The following FAIM variants were observed in gnomAD, a reference collection of about 807,000 sequenced individuals.
The protein encoded by FAIM is Fas apoptotic inhibitory molecule.
A neutral mutation model predicts 21.2 loss-of-function variants in FAIM; 14 were observed. The ratio of observed to expected loss-of-function variants is 0.66; its 90% CI spans 0.44 to 1.03. FAIM has a LOEUF of 1.03. Ranked by LOEUF, FAIM falls within the 50% of genes least tolerant of loss-of-function variation. FAIM has a pLI of 0.00. For synonymous variants in FAIM, 86 were observed against 80.4 expected (o/e 1.07, Z -0.37); for missense variants, 222 against 247.1 (o/e 0.90, Z 0.68).
At chr3:138,622,108 T>G in intron 3 of FAIM, 80 bp from the exon 4 acceptor site, 1 of 1,169,222 alleles carries the variant, frequency 8.6e-7, no homozygotes, top group Non-Finnish European at 1.2e-6. Context: ...GGCATTGCCT[T>G]TGTTCACTTT....
intron 1 of FAIM, among the ~76,000 whole-genome samples, chr3:138,611,475 G>C (rs1639496905): frequency 6.6e-6 from 1 of 152,124 alleles, no homozygotes; most frequent in Non-Finnish European, 1.5e-5. Context: ...TGCGATCATT[G>C]TCACTATCTA....
chr3:138,630,763 A>G lies in FAIM; in HGVS notation c.456+1607A>G, dbSNP rs2042996698. 2.6e-5 allele frequency: 4 copies of G among 152,202 alleles called. No individual in the cohort carries two copies. In the South Asian group the frequency reaches 8.3e-4, roughly 32 times the overall value. 9.4% of individuals were successfully genotyped at this position (152,202 alleles called of 1,614,324 possible). ...CCTGGAATTCTCTAGATAGGGAATC[A>G]GCACTTTTGAATTGCATTTCCTCCC... On this transcript the variant is annotated intron_variant, in intron 5 of 5. Coordinates refer to ENST00000360570, the MANE Select transcript of FAIM (RefSeq NM_001033031.2).
chr3:138,624,710 C>G (rs557416959), intron 4 of FAIM, among the ~76,000 whole-genome samples: 1 of 152,322 alleles, frequency 6.6e-6, no homozygotes, highest in South Asian at 2.1e-4. Flanking sequence ...AGGATCAGAG[C>G]TGTGTGATGG....
At chr3:138,619,668 G>GC in intron 1 of FAIM, 43 bp from the exon 2 acceptor site, 1 of 1,578,010 alleles carries the variant, frequency 6.3e-7, no homozygotes, top group Non-Finnish European at 8.7e-7. Flanking sequence ...TTTCTTTGCT[G>GC]CAATTCTGCT....
At position 138,633,154 on chromosome 3, in the gene FAIM, T is replaced by G; in HGVS notation, c.*75T>G. On this transcript the variant is annotated 3_prime_UTR_variant, in exon 6 of 6. Transcript: ENST00000360570. The stretch of plus-strand genomic sequence containing the variant: ...TAATTAAATGTGTTCAGTATGTACT[T>G]ATCAGTACATTTAGTCTGCAATGTT... 2.6e-5 allele frequency: 32 copies of G among 1,230,232 alleles called. No individual in the cohort carries two copies. Among genetic ancestry groups the G allele is most frequent in the Non-Finnish European group, 3.4e-5 (30 of 890,546 alleles). The allele number at this position is 1,230,232 out of a possible 1,614,324, so 76.2% of individuals were successfully genotyped here.
chr3:138,629,753 G>A (rs537894), intron 5 of FAIM: 92,986 of 151,866 alleles, frequency 0.61, 29,202 homozygotes, highest in East Asian at 0.99. Context: ...CACGAACCCC[G>A]GAGGACAAGT....
At chr3:138,619,635 T>C in intron 1 of FAIM, 76 bp from the exon 2 acceptor site, 1 of 1,305,374 alleles carries the variant, frequency 7.7e-7, no homozygotes, top group South Asian at 1.2e-5. Flanking sequence ...CCTTTGTAGA[T>C]GTCATCATTG....
intron 2 of FAIM, among the ~76,000 whole-genome samples, chr3:138,621,048 G>A (rs1288632971): frequency 6.6e-6 from 1 of 152,140 alleles, no homozygotes; most frequent in African/African-American, 2.4e-5. Flanking sequence ...GTTTTTACAT[G>A]GGAGCTGGTG....
intron 1 of FAIM, among the ~76,000 whole-genome samples, chr3:138,616,709 A>AT (rs949986588): frequency 2.6e-5 from 4 of 152,166 alleles, no homozygotes; most frequent in South Asian, 4.1e-4. Flanking sequence ...TTATAAAAAG[A>AT]TTTTTTTAGT....
At chr3:138,621,623 C>A in intron 3 of FAIM, 84 bp downstream of exon 3, 1 of 1,293,744 alleles carries the variant, frequency 7.7e-7, no homozygotes, top group Non-Finnish European at 1.1e-6. Flanking sequence ...TATGTGAATT[C>A]AGGGCTTTTT....
chr3:138,628,344 G>C (rs536145440), intron 4 of FAIM, among the ~76,000 whole-genome samples: 1 of 151,794 alleles, frequency 6.6e-6, no homozygotes, highest in African/African-American at 2.4e-5. Flanking sequence ...TGCTTTCAGT[G>C]GTCTTTTGTG....
At chr3:138,631,301 G>A (rs1008661951) in intron 5 of FAIM, among the ~76,000 whole-genome samples, 3 of 151,822 alleles carry the variant, frequency 2.0e-5, no homozygotes, top group African/African-American at 4.8e-5. Context: ...CCTGGTCCCC[G>A]CTGCTCAGGA....
At chr3:138,631,442 G>A (rs948543970) in intron 5 of FAIM, among the ~76,000 whole-genome samples, 2 of 152,118 alleles carry the variant, frequency 1.3e-5, no homozygotes, top group Non-Finnish European at 2.9e-5. Context: ...TGTTGTTGTG[G>A]TTGTAAAAAG....
At chr3:138,609,959 G>A (rs1216135866) in intron 1 of FAIM, among the ~76,000 whole-genome samples, 1 of 152,102 alleles carries the variant, frequency 6.6e-6, no homozygotes, top group Non-Finnish European at 1.5e-5. Context: ...CCTCCAGTAA[G>A]TAGCATTTGG....
intron 1 of FAIM, among the ~76,000 whole-genome samples, chr3:138,613,463 C>T (rs2108334971): frequency 6.6e-6 from 1 of 152,036 alleles, no homozygotes; most frequent in East Asian, 1.9e-4. Context: ...AGATAATGTC[C>T]TTTGATGCAC....
chr3:138,614,762 G>A lies in FAIM; in HGVS notation c.-16-4949G>A, dbSNP rs1389919150. Among the ~76,000 whole-genome samples the A allele has an allele frequency of 2.0e-5, 3 of 152,070 alleles. No individual in the cohort carries two copies. In the East Asian group the frequency reaches 5.8e-4, roughly 29 times the overall value. ...TCAAGACCAGCCTAGGTAACATGGT[G>A]AAACCTCATATCTACCATAAATACA... On this transcript the variant is annotated intron_variant, in intron 1 of 5. Transcript: ENST00000360570.
At chr3:138,630,361 T>C (rs781306213) in intron 5 of FAIM, 10 of 152,156 alleles carry the variant, frequency 6.6e-5, no homozygotes, top group Non-Finnish European at 1.2e-4. Context: ...CACAGGTCTG[T>C]AGTGGCTTCC....
In FAIM at chr3:138,622,434, C is replaced by T; in HGVS notation, c.406+18C>T. 6.9e-7 allele frequency: 1 copy of T among 1,455,312 alleles called. No homozygotes were observed. The highest frequency in any genetic ancestry group is 9.3e-7 in the Non-Finnish European group (1 of 1,077,980). The allele number at this position is 1,455,312 out of a possible 1,614,324, so 90.1% of individuals were successfully genotyped here. ...TGTTTTGGGTAAGTTAGTGCTGTTTCCGCAGAACTTTTTTTTTTTTTTTAT... is the reference window on the plus strand; with the variant it reads ...TGTTTTGGGTAAGTTAGTGCTGTTTTCGCAGAACTTTTTTTTTTTTTTTAT... On this transcript the variant is annotated intron_variant, in intron 4 of 5. Coordinates refer to ENST00000360570, the MANE Select transcript of FAIM (RefSeq NM_001033031.2).
rs1329756927 is a variant in FAIM at position 138,633,328 on chromosome 3, T to C, written c.*249T>C. On this transcript the variant is annotated 3_prime_UTR_variant, in exon 6 of 6. Coordinates refer to ENST00000360570, the MANE Select transcript of FAIM (RefSeq NM_001033031.2). ...CAAATAAGATATGGACCAAAGTCAC[T>C]AATGTTTTACAACAGTAACCTTTAC... The C allele has an allele frequency of 7.3e-6, 2 of 274,308 alleles. No individual in the cohort carries two copies. The highest frequency in any genetic ancestry group is 1.4e-5 in the Non-Finnish European group (2 of 145,646). 17.0% of individuals were successfully genotyped at this position (274,308 alleles called of 1,614,324 possible).
Sources: gnomAD v4.1 joint callset for allele counts (sites outside exome capture counted in the v4.1 genomes callset) on GRCh38, gnomAD v4.1.1 for gene constraint, MANE v1.5 for transcripts, NCBI Gene and HGNC (gene_info 2026-07-23, HGNC 2026-07-21) for gene names.